PANK1: variants seen among roughly 807,000 people sequenced by gnomAD.
The protein encoded by PANK1 is pantothenate kinase 1.
A neutral mutation model predicts 40.1 loss-of-function variants in PANK1; 18 were observed. The observed-to-expected ratio is 0.45, with a 90% CI of 0.31 to 0.67. The LOEUF (loss-of-function observed/expected upper bound fraction) is 0.67, where lower values mean the gene tolerates loss of function less well. PANK1 is among the 30% of genes least tolerant of loss of function. PANK1 has a pLI of 0.06. For missense variants in PANK1, 457 were observed against 599.6 expected (o/e 0.76, Z 2.48); for synonymous variants, 242 against 237.7 (o/e 1.02, Z -0.17).
chr10:89,596,258 T>C (rs1292718084), intron 3 of PANK1, among the ~76,000 whole-genome samples: 4 of 152,210 alleles, frequency 2.6e-5, no homozygotes, highest in Non-Finnish European at 5.9e-5. Context: ...TAAATATCTG[T>C]CATCCCCATG....
intron 1 of PANK1, among the ~76,000 whole-genome samples, chr10:89,634,212 T>C (rs1481312374): frequency 6.6e-6 from 1 of 152,218 alleles, no homozygotes; most frequent in Non-Finnish European, 1.5e-5. Context: ...TGCTAACTCA[T>C]GTTAAGCTTG....
At chr10:89,629,756 C>A (rs899358289) in intron 1 of PANK1, among the ~76,000 whole-genome samples, 1 of 152,176 alleles carries the variant, frequency 6.6e-6, no homozygotes, top group South Asian at 2.1e-4. Context: ...TTGGATTACA[C>A]AATTTGAAGA....
chr10:89,591,766 A>C (rs1225689387), intron 5 of PANK1, among the ~76,000 whole-genome samples: 3 of 152,202 alleles, frequency 2.0e-5, no homozygotes, highest in African/African-American at 7.2e-5. Flanking sequence ...TACTCCACCA[A>C]TCAACAATAT....
intron 1 of PANK1, among the ~76,000 whole-genome samples, chr10:89,633,045 G>C (rs180937676): frequency 2.6e-5 from 4 of 152,232 alleles, no homozygotes; most frequent in African/African-American, 9.6e-5. Context: ...TCTGTGAACT[G>C]TGTCCCAGTC....
intron 1 of PANK1, among the ~76,000 whole-genome samples, chr10:89,617,462 AAAG>A (rs1290981775): frequency 6.6e-6 from 1 of 152,238 alleles, no homozygotes; most frequent in African/African-American, 2.4e-5. Context: ...TGTAATGAAA[AAAG>A]AGAGAGATGA....
Position 89,644,975 on chromosome 10 carries a change from ATC to A in PANK1, c.-86_-85del. 6.3e-7 allele frequency: 1 copy of A among 1,575,910 alleles called. No homozygotes were observed. The highest frequency in any genetic ancestry group is 8.6e-7 in the Non-Finnish European group (1 of 1,164,300). ...TTCTCCGGCGTCTTTATTTCCCCGG[ATC>A]CTCCCTGCGGCTTCCGATTCAGCAG... is the stretch of plus-strand genomic sequence containing the variant. On this transcript the variant is annotated 5_prime_UTR_variant, in exon 1 of 7. Transcript: ENST00000307534.
intron 5 of PANK1, among the ~76,000 whole-genome samples, chr10:89,590,123 A>G (rs1844334336): frequency 6.6e-6 from 1 of 152,058 alleles, no homozygotes; most frequent in Non-Finnish European, 1.5e-5. Flanking sequence ...GAAAATGCAT[A>G]ATAAAGGAAA....
intron 1 of PANK1, among the ~76,000 whole-genome samples, chr10:89,612,909 C>T (rs1845206140): frequency 6.6e-6 from 1 of 152,172 alleles, no homozygotes; most frequent in African/African-American, 2.4e-5. Context: ...TTGCAATCTG[C>T]AGGCTTGGAA....
At chr10:89,585,594 A>G (rs2133915960) in intron 6 of PANK1, among the ~76,000 whole-genome samples, 1 of 152,312 alleles carries the variant, frequency 6.6e-6, no homozygotes, top group East Asian at 1.9e-4. Context: ...TACCCATCAC[A>G]ATAACTCTAT....
intron 3 of PANK1, among the ~76,000 whole-genome samples, chr10:89,595,589 G>A (rs1034288675): frequency 2.7e-5 from 4 of 150,600 alleles, no homozygotes; most frequent in Admixed American, 2.6e-4. Flanking sequence ...GCAGGCCAAG[G>A]TGGGTGGATC....
At chr10:89,629,391 G>A (rs1294674456) in intron 1 of PANK1, among the ~76,000 whole-genome samples, 1 of 152,172 alleles carries the variant, frequency 6.6e-6, no homozygotes, top group Non-Finnish European at 1.5e-5. Context: ...ATATCTGACT[G>A]AGAAAAGGGA....
At chr10:89,636,739 C>A (rs1186607381) in intron 1 of PANK1, among the ~76,000 whole-genome samples, 1 of 151,624 alleles carries the variant, frequency 6.6e-6, no homozygotes, top group Non-Finnish European at 1.5e-5. Context: ...GCATGAGCCA[C>A]CGCACCCAGC....
intron 1 of PANK1, 57 bp downstream of exon 1, chr10:89,644,543 C>G (rs907250638): frequency 4.0e-6 from 6 of 1,492,810 alleles, no homozygotes; most frequent in African/African-American, 1.4e-5. Flanking sequence ...CTCCCAGTCC[C>G]GGGCCCCGCA....
intron 1 of PANK1, among the ~76,000 whole-genome samples, chr10:89,643,205 A>G (rs1209459008): frequency 6.6e-6 from 1 of 152,246 alleles, no homozygotes; most frequent in Admixed American, 6.5e-5. Context: ...TGTAGATAAG[A>G]GAAATAACTG....
At chr10:89,620,494 T>G (rs1845447880) in intron 1 of PANK1, among the ~76,000 whole-genome samples, 1 of 152,212 alleles carries the variant, frequency 6.6e-6, no homozygotes, top group African/African-American at 2.4e-5. Flanking sequence ...TTGCTAGGAT[T>G]AGGAAATTCC....
chr10:89,597,794 T>A (rs994941901), intron 3 of PANK1, among the ~76,000 whole-genome samples: 1 of 152,232 alleles, frequency 6.6e-6, no homozygotes, highest in Non-Finnish European at 1.5e-5. Context: ...GTTTATCAAA[T>A]CACTCTCTAA....
Position 89,612,064 on chromosome 10 carries a change from A to G in PANK1, c.293-16T>C. 1 of 1,599,724 alleles carries G rather than the reference A, an allele frequency of 6.3e-7. No individual in the cohort carries two copies. The highest frequency in any genetic ancestry group is 1.1e-5 in the South Asian group (1 of 89,998). Reference sequence around the variant, plus strand: ...CATGGGAATGCTAAAGGACAGAAAGAAAGAGTGCTGCTGAATGCTATGCGT... The same window carrying G: ...CATGGGAATGCTAAAGGACAGAAAGGAAGAGTGCTGCTGAATGCTATGCGT... On this transcript the variant is annotated splice_polypyrimidine_tract_variant and intron_variant, in intron 1 of 6. Transcript: ENST00000307534.
At position 89,644,635 on chromosome 10, in the gene PANK1, C is replaced by T. The variant is rs772958169; in HGVS notation, c.257G>A (p.Arg86Gln). 8 of 1,586,802 alleles carry T rather than the reference C, an allele frequency of 5.0e-6. No individual in the cohort carries two copies. The highest frequency in any genetic ancestry group is 2.8e-5 in the African/African-American group (2 of 72,632). The change falls in exon 1 of 7, where the codon CGG becomes CAG. Residue 86 changes from arginine to glutamine, a missense_variant. By Grantham distance (43) the Arg-to-Gln change is conservative. Coordinates refer to ENST00000307534, the MANE Select transcript of PANK1 (RefSeq NM_148977.3). ...CTTTCTCCCCGAGTCCATCCTCCTC[C>T]GCAGCCGGCATTTCTTGGCCGGGGA... Reference protein sequence around the residue: ...HDSPAKKCRLRRRMDSGRKNR... With the variant: ...HDSPAKKCRLQRRMDSGRKNR...
chr10:89,625,612 A>G (rs972001744), intron 1 of PANK1: 1 of 152,210 alleles, frequency 6.6e-6, no homozygotes, highest in Admixed American at 6.5e-5. Context: ...GCAGACAGAC[A>G]TTCTTTGATT....
Sources: allele counts gnomAD v4.1 joint callset (sites outside exome capture counted in the v4.1 genomes callset), GRCh38; gene constraint gnomAD v4.1.1; transcripts MANE v1.5; gene names NCBI Gene and HGNC (gene_info 2026-07-23, HGNC 2026-07-21).